GFPT1: variants seen among roughly 807,000 people sequenced by gnomAD.
The protein encoded by GFPT1 is glutamine--fructose-6-phosphate aminotransferase [isomerizing] 1.
In GFPT1, 40 loss-of-function variants were observed where a neutral mutation model predicts 92.0. The ratio of observed to expected loss-of-function variants is 0.43; its 90% CI spans 0.34 to 0.57. The LOEUF (loss-of-function observed/expected upper bound fraction) is 0.57. Ranked by LOEUF, GFPT1 falls within the 20% of genes least tolerant of loss-of-function variation. The pLI is 0.02. For synonymous variants in GFPT1, 269 were observed against 280.6 expected (o/e 0.96, Z 0.41); for missense variants, 448 against 869.1 (o/e 0.52, Z 6.09).
chr2:69,362,545 C>A (rs1671500501), intron 4 of GFPT1, among the ~76,000 whole-genome samples: 1 of 151,988 alleles, frequency 6.6e-6, no homozygotes, highest in Non-Finnish European at 1.5e-5. Flanking sequence ...CTCCTGTAAT[C>A]CCAGCACTTT....
At chr2:69,335,304 G>A (rs1327691556) in intron 15 of GFPT1, among the ~76,000 whole-genome samples, 1 of 152,078 alleles carries the variant, frequency 6.6e-6, no homozygotes, top group East Asian at 1.9e-4. Flanking sequence ...ACTGCACCCA[G>A]CCTGTATGTA....
chr2:69,334,351 A>C (rs1216668399), intron 15 of GFPT1, among the ~76,000 whole-genome samples: 1 of 152,120 alleles, frequency 6.6e-6, no homozygotes, highest in African/African-American at 2.4e-5. Context: ...AAATTGCCAT[A>C]CTTACTCAAT....
chr2:69,358,752 A>C (rs1166203444), intron 5 of GFPT1, among the ~76,000 whole-genome samples: 1 of 152,196 alleles, frequency 6.6e-6, no homozygotes, highest in African/African-American at 2.4e-5. Flanking sequence ...TTCCTCAGTC[A>C]TACTAGCTCA....
chr2:69,356,084 C>T (rs1312437043), intron 7 of GFPT1, among the ~76,000 whole-genome samples: 4 of 144,110 alleles, frequency 2.8e-5, no homozygotes, highest in Admixed American at 7.3e-5. Context: ...CTCTTGCCTC[C>T]TGGGTTCAAG....
Position 69,359,336 on chromosome 2 carries a change from G to A in GFPT1, c.350-10C>T, listed in dbSNP as rs1370090860. ...TGAATAACGATAAATTCTAAAAGAG[G>A]TAAAAGTGTTGAAGACAAAAAAGTT... On this transcript the variant is annotated splice_polypyrimidine_tract_variant and intron_variant, in intron 4 of 19. Transcript: ENST00000357308. The A allele has an allele frequency of 6.7e-7, 1 of 1,501,126 alleles. No individual in the cohort carries two copies. The highest frequency in any genetic ancestry group is 1.4e-5 in the African/African-American group (1 of 72,802). 93.0% of individuals were successfully genotyped at this position (1,501,126 alleles called of 1,614,324 possible). A position where few individuals can be genotyped will look rare whatever the true frequency, so the allele number is the denominator to read the frequency against.
intron 11 of GFPT1, among the ~76,000 whole-genome samples, chr2:69,346,207 C>T (rs1218078203): frequency 1.3e-5 from 2 of 151,718 alleles, no homozygotes; most frequent in African/African-American, 4.8e-5. Flanking sequence ...TAACTTCATA[C>T]TTGAAATGTG....
intron 4 of GFPT1, among the ~76,000 whole-genome samples, chr2:69,362,521 G>C (rs1671499807): frequency 6.6e-6 from 1 of 152,062 alleles, no homozygotes; most frequent in Non-Finnish European, 1.5e-5. Context: ...AAATAGGACA[G>C]GTACAGTGGC....
At chr2:69,341,955 CT>C (rs1226174462) in intron 13 of GFPT1, among the ~76,000 whole-genome samples, 196 bp downstream of exon 13, 1 of 152,156 alleles carries the variant, frequency 6.6e-6, no homozygotes, top group East Asian at 1.9e-4. Flanking sequence ...ATCTAGGGAC[CT>C]TTTCTACAGA....
At chr2:69,329,903 GTA>G in intron 15 of GFPT1, 105 bp from the exon 16 acceptor site, 2 of 744,752 alleles carry the variant, frequency 2.7e-6, no homozygotes, top group Middle Eastern at 2.3e-4. Flanking sequence ...TGGTTTTACA[GTA>G]TATATTCTCT....
At chr2:69,338,625 T>G (rs1482094032) in intron 13 of GFPT1, 60 bp from the exon 14 acceptor site, 2 of 1,570,782 alleles carry the variant, frequency 1.3e-6, no homozygotes, top group African/African-American at 2.7e-5. Context: ...TCATCGGACT[T>G]CTTTGGATTC....
At chr2:69,365,511 T>C (rs1482625166) in intron 3 of GFPT1, among the ~76,000 whole-genome samples, 1 of 152,176 alleles carries the variant, frequency 6.6e-6, no homozygotes, top group Non-Finnish European at 1.5e-5. Context: ...ACCACAATGG[T>C]ATATTCTATT....
intron 6 of GFPT1, among the ~76,000 whole-genome samples, chr2:69,358,049 G>C (rs998191082): frequency 1.3e-5 from 2 of 152,144 alleles, no homozygotes; most frequent in Non-Finnish European, 2.9e-5. Context: ...GGTGCATATG[G>C]ATGTGTGCAT....
At chr2:69,364,854 G>A (rs1671569097) in intron 3 of GFPT1, among the ~76,000 whole-genome samples, 1 of 151,884 alleles carries the variant, frequency 6.6e-6, no homozygotes, top group Non-Finnish European at 1.5e-5. Flanking sequence ...AATTAGCCGG[G>A]TGTGGTGGTG....
rs2104711205 is a variant in GFPT1 at position 69,387,134 on chromosome 2, A to G, written c.-63T>C. ...GGCTGGCGGGATCGGGGGTGCACAC[A>G]CGAGCTTCGGTGGGCAATCTGCGGG... On this transcript the variant is annotated 5_prime_UTR_variant, in exon 1 of 20. Transcript: ENST00000357308. 6.7e-7 allele frequency: 1 copy of G among 1,497,678 alleles called. No homozygotes were observed. The highest frequency in any genetic ancestry group is 2.7e-5 in the East Asian group (1 of 36,434). The allele number at this position is 1,497,678 out of a possible 1,614,324, so 92.8% of individuals were successfully genotyped here.
intron 2 of GFPT1, among the ~76,000 whole-genome samples, chr2:69,372,680 A>T (rs1292067097): frequency 6.6e-6 from 1 of 152,244 alleles, no homozygotes; most frequent in African/African-American, 2.4e-5. Flanking sequence ...GGAAGAGAAT[A>T]AGATGTGCTG....
intron 4 of GFPT1, among the ~76,000 whole-genome samples, chr2:69,362,747 A>G (rs558172617): frequency 3.2e-4 from 48 of 152,258 alleles, no homozygotes; most frequent in Admixed American, 1.3e-3. Flanking sequence ...CAGTGAGCCG[A>G]TATCGCACCA....
At chr2:69,342,122 A>T in intron 13 of GFPT1, 30 bp downstream of exon 13, 1 of 1,181,124 alleles carries the variant, frequency 8.5e-7, no homozygotes, top group East Asian at 2.3e-5. Context: ...TCTAATATTC[A>T]ACATAATTAA....
chr2:69,358,668 C>G (rs1671400309), intron 5 of GFPT1, among the ~76,000 whole-genome samples: 1 of 152,174 alleles, frequency 6.6e-6, no homozygotes, highest in Admixed American at 6.6e-5. Flanking sequence ...ACTTAACTTA[C>G]TGTCTAATAA....
intron 15 of GFPT1, among the ~76,000 whole-genome samples, chr2:69,334,073 T>C (rs1039607312): frequency 2.0e-5 from 3 of 152,124 alleles, no homozygotes; most frequent in African/African-American, 7.2e-5. Context: ...GGAGAATCAC[T>C]TGAAACCGGA....
Sources: allele counts gnomAD v4.1 joint callset (sites outside exome capture counted in the v4.1 genomes callset), GRCh38; gene constraint gnomAD v4.1.1; transcripts MANE v1.5; gene names NCBI Gene and HGNC (gene_info 2026-07-23, HGNC 2026-07-21).